SRGAP3: variants seen among roughly 807,000 people sequenced by gnomAD.
SRGAP3 encodes SLIT-ROBO Rho GTPase-activating protein 3.
SRGAP3 carries 39 observed loss-of-function variants against 121.1 expected under a neutral mutation model. The ratio of observed to expected loss-of-function variants is 0.32; its 90% CI spans 0.25 to 0.42. The LOEUF (loss-of-function observed/expected upper bound fraction) is 0.42, where lower values mean the gene tolerates loss of function less well. Ranked by LOEUF, SRGAP3 falls within the 10% of genes least tolerant of loss-of-function variation. The pLI is 1.00. For missense variants in SRGAP3, 1,213 were observed against 1,470.6 expected (o/e 0.82, Z 2.86); for synonymous variants, 601 against 570.0 (o/e 1.05, Z -0.77).
rs1212455819 is a variant in SRGAP3 at position 8,990,619 on chromosome 3, C to T, written c.2779G>A (p.Asp927Asn). ...FGSAGSINYP[D>N]KKALSEGHSM... is the part of the protein sequence containing the mutation. ...TGCCCTTCGGAGAGCGCCTTCTTGT[C>T]AGGGTAGTTGATGCTGCCAGCGCTC... The change falls in exon 21 of 22, where the codon GAC becomes AAC. Residue 927 changes from aspartate to asparagine, a missense_variant. Asp to Asn is a conservative substitution (Grantham distance 23, BLOSUM62 1). Around this residue, in one of 2 missense-constraint regions of SRGAP3, gnomAD observed 420 missense variants for 437.7 expected, o/e 0.96. Transcript: ENST00000383836. 1 of 1,612,992 alleles carries T rather than the reference C, an allele frequency of 6.2e-7. No homozygotes were observed. The highest frequency in any genetic ancestry group is 1.7e-5 in the Admixed American group (1 of 59,898).
At chr3:9,270,928 CATGT>C (rs1559253253) in intron 3 of SRGAP3, among the ~76,000 whole-genome samples, 1 of 152,140 alleles carries the variant, frequency 6.6e-6, no homozygotes, top group Non-Finnish European at 1.5e-5. Flanking sequence ...ACTGGTACAG[CATGT>C]ATGTGTATGC....
intron 3 of SRGAP3, 124 bp downstream of exon 3, chr3:9,104,556 T>C: frequency 1.5e-6 from 2 of 1,319,862 alleles, no homozygotes; most frequent in Non-Finnish European, 2.2e-6. Context: ...ACTTGCATCC[T>C]TCAATGCACC....
chr3:9,356,204 T>C lies in SRGAP3; in HGVS notation n.214+6636A>G, dbSNP rs1282560220. ...GGGACTTTTTTTTCTTTTTTTTTTTTTTTTTTTGAGACAGGATCTCACTGT... is the reference window on the plus strand; with the variant it reads ...GGGACTTTTTTTTCTTTTTTTTTTTCTTTTTTTGAGACAGGATCTCACTGT... On this transcript the variant is annotated intron_variant and non_coding_transcript_variant, in intron 1 of 3. Transcript: ENST00000490889. Among the ~76,000 whole-genome samples the C allele has an allele frequency of 1.4e-5, 2 of 145,834 alleles. 1 individual carries two copies. The highest frequency in any genetic ancestry group is 3.0e-5 in the Non-Finnish European group (2 of 66,570).
chr3:9,142,163 T>C (rs557757365), intron 1 of SRGAP3, among the ~76,000 whole-genome samples: 70 of 152,344 alleles, frequency 4.6e-4, no homozygotes, highest in African/African-American at 1.7e-3. Context: ...TACCTAAGAA[T>C]TGTGGTAAAT....
At chr3:9,165,650 G>A (rs1950760036) in intron 1 of SRGAP3, among the ~76,000 whole-genome samples, 4 of 152,090 alleles carry the variant, frequency 2.6e-5, no homozygotes, top group Admixed American at 2.6e-4. Context: ...AGGCCTGCAT[G>A]CTTGTCCCGA....
intron 1 of SRGAP3, among the ~76,000 whole-genome samples, chr3:9,244,880 A>T (rs1188252030): frequency 6.6e-6 from 1 of 152,218 alleles, no homozygotes; most frequent in Non-Finnish European, 1.5e-5. Context: ...CTCTCTGACA[A>T]GGCTCCTAGG....
intron 3 of SRGAP3, among the ~76,000 whole-genome samples, chr3:9,260,161 A>G (rs1417642695): frequency 6.6e-6 from 1 of 152,184 alleles, no homozygotes; most frequent in Non-Finnish European, 1.5e-5. Context: ...CCCACCGACC[A>G]GGAGATTCCC....
chr3:9,203,373 T>A (rs1182552033), intron 1 of SRGAP3, among the ~76,000 whole-genome samples: 4 of 152,220 alleles, frequency 2.6e-5, no homozygotes, highest in Non-Finnish European at 4.4e-5. Context: ...TTCCTATCTA[T>A]ACATTGATAA....
intron 3 of SRGAP3, among the ~76,000 whole-genome samples, chr3:9,259,381 C>A (rs77944715): frequency 6.6e-6 from 1 of 152,084 alleles, no homozygotes; most frequent in South Asian, 2.1e-4. Context: ...TGGGCTCAAG[C>A]GATCCTCCCC....
In SRGAP3 at chr3:9,182,419, G is replaced by T. The variant is rs13060995; in HGVS notation, c.68-57502C>A. On this transcript the variant is annotated intron_variant, in intron 1 of 21. Coordinates refer to ENST00000383836, the MANE Select transcript of SRGAP3 (RefSeq NM_014850.4). ...GGGGACACAGCCATGGAACCAAAGC[G>T]AGGCATCTACAAGCCAAGGCACACC... Among the ~76,000 whole-genome samples the T allele has an allele frequency of 1.6e-4, 24 of 151,638 alleles. No individual in the cohort carries two copies. In the East Asian group the frequency reaches 3.5e-3, roughly 22 times the overall value.
intron 18 of SRGAP3, among the ~76,000 whole-genome samples, chr3:9,001,029 T>C (rs985946459): frequency 1.1e-4 from 17 of 152,222 alleles, no homozygotes; most frequent in African/African-American, 4.1e-4. Flanking sequence ...GAGAAACTGC[T>C]AAAAAATAAC....
intron 4 of SRGAP3, among the ~76,000 whole-genome samples, chr3:9,073,175 A>G (rs2125241324): frequency 1.3e-5 from 2 of 152,222 alleles, no homozygotes; most frequent in South Asian, 4.1e-4. Flanking sequence ...ACGGGGTCTT[A>G]CTCTGTCCCC....
At position 9,305,223 on chromosome 3, in the gene SRGAP3, C is replaced by T. The variant is rs75281649; in HGVS notation, n.442+20787G>A. 1.2e-3 allele frequency among the ~76,000 whole-genome samples: 190 copies of T among 152,260 alleles called. 1 individual carries two copies. Among genetic ancestry groups the T allele is most frequent in the Non-Finnish European group, 2.0e-3 (137 of 68,028 alleles). ...GGAGGAAGGATTGGGCAGGAAGAGC[C>T]TCAGGCTTCGGGACTGTAGTGTCCT... On this transcript the variant is annotated intron_variant and non_coding_transcript_variant, in intron 3 of 3. Coordinates refer to the SRGAP3 transcript ENST00000490889.
intron 3 of SRGAP3, among the ~76,000 whole-genome samples, chr3:9,100,217 G>A (rs1471113305): frequency 1.3e-5 from 2 of 151,918 alleles, no homozygotes; most frequent in African/African-American, 4.8e-5. Flanking sequence ...TTTTTCCTTC[G>A]ACCTCCATCA....
intron 1 of SRGAP3, among the ~76,000 whole-genome samples, chr3:9,238,676 G>A (rs1287218450): frequency 1.3e-5 from 2 of 152,220 alleles, no homozygotes; most frequent in East Asian, 3.9e-4. Flanking sequence ...CAGAATCTAA[G>A]AGTGGAGAGA....
chr3:9,321,786 G>A (rs144087732), intron 3 of SRGAP3, among the ~76,000 whole-genome samples: 131 of 151,732 alleles, frequency 8.6e-4, no homozygotes, highest in African/African-American at 3.0e-3. Context: ...GACACATAGA[G>A]GGGAATAATA....
chr3:9,144,743 C>T (rs925038205), intron 1 of SRGAP3, among the ~76,000 whole-genome samples: 11 of 152,238 alleles, frequency 7.2e-5, no homozygotes, highest in African/African-American at 2.7e-4. Context: ...TTCAATCAAA[C>T]ATCTTTTTCT....
rs370023209 is a variant in SRGAP3 at position 9,110,424 on chromosome 3, T to C, written c.261-5582A>G. ...CCAGCAGCAAGGAGTTGGATGCTAT[T>C]TAAAACCACAGAACAACAAGGAAGG... On this transcript the variant is annotated intron_variant, in intron 2 of 21. Coordinates refer to ENST00000383836, the MANE Select transcript of SRGAP3 (RefSeq NM_014850.4). 2.2e-4 allele frequency among the ~76,000 whole-genome samples: 34 copies of C among 152,288 alleles called. No homozygotes were observed. In the South Asian group the frequency reaches 6.2e-3, roughly 28 times the overall value.
chr3:9,054,451 T>A (rs1290744817), intron 8 of SRGAP3, among the ~76,000 whole-genome samples: 1 of 152,236 alleles, frequency 6.6e-6, no homozygotes, highest in Non-Finnish European at 1.5e-5. Context: ...AATCAGAAAA[T>A]CTTTGAATCT....
Sources: allele counts gnomAD v4.1 joint callset (sites outside exome capture counted in the v4.1 genomes callset), GRCh38; gene constraint gnomAD v4.1.1; regional missense constraint gnomAD v4.1.1; transcripts MANE v1.5; gene names NCBI Gene and HGNC (gene_info 2026-07-23, HGNC 2026-07-21).